The following MTRF1 variants were observed in gnomAD, a reference collection of about 807,000 sequenced individuals.
MTRF1 encodes peptide chain release factor 1, mitochondrial.
In MTRF1, 51 loss-of-function variants were observed where a neutral mutation model predicts 62.9. The observed-to-expected ratio is 0.81, with a 90% CI of 0.65 to 1.02. The LOEUF (loss-of-function observed/expected upper bound fraction) is 1.02. Among genes scored for constraint, MTRF1 ranks in the 50% least tolerant of loss-of-function variants. MTRF1 has a pLI of 0.00. For missense variants in MTRF1, 446 were observed against 530.0 expected, an observed-to-expected ratio of 0.84 and a Z score of 1.56; for synonymous variants, 158 against 181.9, an observed-to-expected ratio of 0.87 and a Z score of 1.06.
intron 6 of MTRF1, among the ~76,000 whole-genome samples, chr13:41,236,892 T>C (rs1470420479): frequency 6.6e-6 from 1 of 152,030 alleles, no homozygotes; most frequent in Admixed American, 6.6e-5. Context: ...TTTAGAATAG[T>C]GAAATGCCAC....
chr13:41,265,640 G>A (rs1170947966), upstream of MTRF1, among the ~76,000 whole-genome samples: 1 of 148,080 alleles, frequency 6.8e-6, no homozygotes, highest in East Asian at 2.0e-4. Context: ...TTTCTAAAAA[G>A]GCACCAGAGA....
chr13:41,223,229 T>C (rs375659670), intron 9 of MTRF1, 27 bp downstream of exon 9: 2 of 1,499,958 alleles, frequency 1.3e-6, no homozygotes, highest in Admixed American at 3.5e-5. Flanking sequence ...AAATCAAAGG[T>C]AGGCAAAGCA....
At chr13:41,302,399 G>GAC in the MTRF1 span, among the ~76,000 whole-genome samples, 2 of 87,780 alleles carry the variant, frequency 2.3e-5, no homozygotes, top group African/African-American at 5.5e-5. Context: ...GTGGCAGAGA[G>GAC]AGAGAGACCT....
chr13:41,241,764 A>G (rs1432979331), intron 5 of MTRF1, among the ~76,000 whole-genome samples: 1 of 152,184 alleles, frequency 6.6e-6, no homozygotes, highest in East Asian at 1.9e-4. Flanking sequence ...TGCAGACTGC[A>G]TATTCTTGGT....
chr13:41,258,773 A>T (rs1338879312), intron 2 of MTRF1, among the ~76,000 whole-genome samples: 1 of 152,146 alleles, frequency 6.6e-6, no homozygotes, highest in African/African-American at 2.4e-5. Flanking sequence ...AAAAAAGATA[A>T]ATTGGACATC....
chr13:41,248,889 A>G (rs1411748638), intron 5 of MTRF1, among the ~76,000 whole-genome samples: 1 of 152,320 alleles, frequency 6.6e-6, no homozygotes, highest in Admixed American at 6.5e-5. Flanking sequence ...CTTACACTAC[A>G]TATCTAGAGC....
At chr13:41,260,442 G>GTT in intron 2 of MTRF1, 51 bp downstream of exon 2, 22 of 1,370,692 alleles carry the variant, frequency 1.6e-5, no homozygotes, top group East Asian at 7.1e-5. Flanking sequence ...TAAGTGTGTG[G>GTT]TTTTTTTTTT....
At chr13:41,310,609 G>A in the MTRF1 span, among the ~76,000 whole-genome samples, 3 of 152,204 alleles carry the variant, frequency 2.0e-5, no homozygotes, top group Admixed American at 2.0e-4. Flanking sequence ...GGCGGAGGTT[G>A]CAGTGAGCCC....
chr13:41,256,138 T>C (rs2039682355), intron 2 of MTRF1, among the ~76,000 whole-genome samples: 1 of 152,100 alleles, frequency 6.6e-6, no homozygotes, highest in African/African-American at 2.4e-5. Flanking sequence ...GAAAAAAACA[T>C]GGCTTCAGGC....
chr13:41,285,624 C>T, the MTRF1 span, among the ~76,000 whole-genome samples: 1 of 152,192 alleles, frequency 6.6e-6, no homozygotes, highest in Admixed American at 6.5e-5. Flanking sequence ...AAGACTCTTT[C>T]AGACAGAGAG....
At chr13:41,262,910 A>G (rs2040627083) in intron 1 of MTRF1, among the ~76,000 whole-genome samples, 1 of 152,234 alleles carries the variant, frequency 6.6e-6, no homozygotes, top group South Asian at 2.1e-4. Context: ...CTGTTAACTT[A>G]GCATTATCAC....
At position 41,219,250 on chromosome 13, in the gene MTRF1, C is replaced by T. The variant is rs902533328; in HGVS notation, c.1225-2022G>A. Among the ~76,000 whole-genome samples the T allele has an allele frequency of 3.3e-5, 5 of 150,194 alleles. No homozygotes were observed. The East Asian group carries it at 5.9e-4, about 18-fold the overall frequency. On this transcript the variant is annotated intron_variant, in intron 9 of 9. Transcript: ENST00000379480. Reference sequence around the variant, plus strand: ...AGGTTGCAGTGAGCCGAGATTGCGCCGCTGCACTCCAGCCTGGGCAACAGA... The same window carrying T: ...AGGTTGCAGTGAGCCGAGATTGCGCTGCTGCACTCCAGCCTGGGCAACAGA...
chr13:41,227,030 C>T (rs1660120963), intron 7 of MTRF1, among the ~76,000 whole-genome samples: 1 of 152,162 alleles, frequency 6.6e-6, no homozygotes, highest in Non-Finnish European at 1.5e-5. Context: ...GTGGCTCACA[C>T]CTGTAATCCG....
chr13:41,274,140 T>A, the MTRF1 span, among the ~76,000 whole-genome samples: 1 of 152,352 alleles, frequency 6.6e-6, no homozygotes, highest in South Asian at 2.1e-4. Flanking sequence ...AGATTTATTT[T>A]ACTTTCACAG....
chr13:41,311,720 G>A, the MTRF1 span: 1 of 770,650 alleles, frequency 1.3e-6, no homozygotes, highest in Admixed American at 2.9e-5. Context: ...CGGAGGTCGC[G>A]GGACCCCACT....
the MTRF1 span, among the ~76,000 whole-genome samples, chr13:41,273,499 A>G: frequency 6.6e-6 from 1 of 152,174 alleles, no homozygotes; most frequent in Non-Finnish European, 1.5e-5. Flanking sequence ...ACAAGTGCCC[A>G]AGGTGATCAG....
At position 41,216,613 on chromosome 13, in the gene MTRF1, C is replaced by A. The variant is rs570101885; in HGVS notation, c.*502G>T. ...TGCCCAGGCTGGTCTCAAATTCTTA[C>A]CTCAAGAGATCTTCCCCCTTTGGCC... On this transcript the variant is annotated 3_prime_UTR_variant, in exon 10 of 10. Coordinates refer to ENST00000379480, the MANE Select transcript of MTRF1 (RefSeq NM_004294.4). The A allele has an allele frequency of 6.6e-6, 1 of 152,040 alleles. No individual in the cohort carries two copies. The highest frequency in any genetic ancestry group is 1.5e-5 in the Non-Finnish European group (1 of 68,022). 9.4% of individuals were successfully genotyped at this position (152,040 alleles called of 1,614,324 possible). A position where few individuals can be genotyped will look rare whatever the true frequency, so the allele number is the denominator to read the frequency against.
chr13:41,252,423 A>G (rs1162791486), intron 5 of MTRF1: 6 of 350,304 alleles, frequency 1.7e-5, no homozygotes. Flanking sequence ...TCTAATTCAC[A>G]TATTTCTCCC....
At chr13:41,253,559 G>C (rs1450598679) in intron 3 of MTRF1, among the ~76,000 whole-genome samples, 1 of 152,080 alleles carries the variant, frequency 6.6e-6, no homozygotes, top group East Asian at 1.9e-4. Flanking sequence ...TGACCAGAAA[G>C]AAAAAGGGCT....
Sources: gnomAD v4.1 joint callset for allele counts (sites outside exome capture counted in the v4.1 genomes callset) on GRCh38, gnomAD v4.1.1 for gene constraint, MANE v1.5 for transcripts, NCBI Gene and HGNC (gene_info 2026-07-23, HGNC 2026-07-21) for gene names.